The following FGF2 variants were observed in gnomAD, a reference collection of about 807,000 sequenced individuals.
The protein encoded by FGF2 is fibroblast growth factor 2, also known as basic fibroblast growth factor bFGF.
A neutral mutation model predicts 15.9 loss-of-function variants in FGF2; 13 were observed. The ratio of observed to expected loss-of-function variants is 0.82; its 90% CI spans 0.53 to 1.30. The LOEUF is 1.30. Among genes scored for constraint, FGF2 ranks in the 50% most tolerant of loss-of-function variants. FGF2 has a pLI of 0.00. For missense variants in FGF2, 163 were observed against 196.9 expected (o/e 0.83, Z 1.03); for synonymous variants, 90 against 78.4 (o/e 1.15, Z -0.78).
chr4:122,830,670 C>T (rs1015142130), intron 1 of FGF2, among the ~76,000 whole-genome samples: 22 of 152,012 alleles, frequency 1.4e-4, no homozygotes, highest in African/African-American at 5.1e-4. Context: ...AGTATGTACT[C>T]TAAAGTAGCA....
intron 1 of FGF2, among the ~76,000 whole-genome samples, chr4:122,837,826 T>C (rs1725897148): frequency 6.6e-6 from 1 of 152,202 alleles, no homozygotes; most frequent in Non-Finnish European, 1.5e-5. Context: ...TCTAAGCTTT[T>C]CTCCGAGTCA....
chr4:122,873,742 A>G (rs1303398942), intron 1 of FGF2, among the ~76,000 whole-genome samples: 2 of 152,190 alleles, frequency 1.3e-5, no homozygotes, highest in Admixed American at 6.5e-5. Flanking sequence ...GATAGTTTTT[A>G]TAGAAAATCT....
At chr4:122,868,348 C>T (rs1726649601) in intron 1 of FGF2, among the ~76,000 whole-genome samples, 1 of 152,124 alleles carries the variant, frequency 6.6e-6, no homozygotes, top group African/African-American at 2.4e-5. Flanking sequence ...TCAACTCCCA[C>T]TTACGAGAGA....
intron 1 of FGF2, among the ~76,000 whole-genome samples, chr4:122,854,824 AACTCTCTT>A (rs1726304748): frequency 1.3e-5 from 2 of 152,094 alleles, no homozygotes. Flanking sequence ...AGTCAAATAA[AACTCTCTT>A]GTCTTAAGCC....
In FGF2 at chr4:122,884,009, C is replaced by G. The variant is rs145464721; in HGVS notation, c.282+7585C>G. ...GTAGAGAAAATAGATATCTGAGAGC[C>G]CAATTATCCAGACTGACAATCTATA... On this transcript the variant is annotated intron_variant, in intron 2 of 2. Transcript: ENST00000644866. Among the ~76,000 whole-genome samples, 1,165 of 151,948 alleles carry G rather than the reference C, an allele frequency of 7.7e-3. 9 individuals carry two copies. The highest frequency in any genetic ancestry group is 0.012 in the Non-Finnish European group (788 of 67,958).
At chr4:122,837,611 T>C (rs1281450444) in intron 1 of FGF2, among the ~76,000 whole-genome samples, 2 of 152,152 alleles carry the variant, frequency 1.3e-5, no homozygotes, top group Admixed American at 6.5e-5. Context: ...TTTCGTCTTA[T>C]AGCTATTTCT....
intron 2 of FGF2, among the ~76,000 whole-genome samples, chr4:122,891,021 C>CTTTTTTTTTTTTTTTTTTTTTTTT (rs769084285): frequency 1.1e-5 from 1 of 94,740 alleles, no homozygotes; most frequent in Non-Finnish European, 2.5e-5. Context: ...AACAATTTAT[C>CTTTTTTTTTTTTTTTTTTTTTTTT]TTTTTTTTTT....
At position 122,892,773 on chromosome 4, in the gene FGF2, A is replaced by G. The variant is rs931552904; in HGVS notation, c.*377A>G. 17 of 1,425,814 alleles carry G rather than the reference A, an allele frequency of 1.2e-5. No homozygotes were observed. In the African/African-American group the frequency reaches 2.3e-4, roughly 19 times the overall value. 88.3% of individuals were successfully genotyped at this position (1,425,814 alleles called of 1,614,324 possible). On this transcript the variant is annotated 3_prime_UTR_variant, in exon 3 of 3. Coordinates refer to ENST00000644866, the MANE Select transcript of FGF2 (RefSeq NM_001361665.2). The stretch of plus-strand genomic sequence containing the variant: ...GATGTTTAATCAATCCAAAATGTCC[A>G]CTATTTCTTATGTCATTCGTTAGTC...
intron 1 of FGF2, among the ~76,000 whole-genome samples, chr4:122,864,763 G>A (rs1160974015): frequency 6.6e-6 from 1 of 152,074 alleles, no homozygotes; most frequent in East Asian, 1.9e-4. Flanking sequence ...ATGTAACAAA[G>A]TTAACTCCCT....
Position 122,879,706 on chromosome 4 carries a change from C to G in FGF2, c.282+3282C>G, listed in dbSNP as rs56267435. On this transcript the variant is annotated intron_variant, in intron 2 of 2. Coordinates refer to ENST00000644866, the MANE Select transcript of FGF2 (RefSeq NM_001361665.2). ...GGCTGGGGAAGCCTCACAATCATGG[C>G]GGAAGGCAAGGAAGAGCAAGTCACA... Among the ~76,000 whole-genome samples, 802 of 152,248 alleles carry G rather than the reference C, an allele frequency of 5.3e-3. 7 individuals are homozygous for G. Among genetic ancestry groups the G allele is most frequent in the African/African-American group, 0.018 (737 of 41,546 alleles).
Position 122,896,824 on chromosome 4 carries a change from T to C in FGF2, c.*4428T>C, listed in dbSNP as rs964442763. 1 of 152,192 alleles carries C rather than the reference T, an allele frequency of 6.6e-6. No homozygotes were observed. The highest frequency in any genetic ancestry group is 1.5e-5 in the Non-Finnish European group (1 of 68,020). 9.4% of individuals were successfully genotyped at this position (152,192 alleles called of 1,614,324 possible). A position where few individuals can be genotyped will look rare whatever the true frequency, so the allele number is the denominator to read the frequency against. On this transcript the variant is annotated 3_prime_UTR_variant, in exon 3 of 3. Transcript: ENST00000644866. The stretch of plus-strand genomic sequence containing the variant: ...TAGAAAATTGCCTTAATATCATTGT[T>C]GGCTAAATAGAATAGGGGACATGCA...
chr4:122,840,884 G>A (rs942868016), intron 1 of FGF2, among the ~76,000 whole-genome samples: 1 of 152,166 alleles, frequency 6.6e-6, no homozygotes, highest in African/African-American at 2.4e-5. Context: ...CAGCAGATGT[G>A]TGGTTGTCAT....
intron 1 of FGF2, among the ~76,000 whole-genome samples, chr4:122,861,542 C>A (rs756744541): frequency 6.6e-6 from 1 of 152,052 alleles, no homozygotes; most frequent in Non-Finnish European, 1.5e-5. Context: ...CTCCTCATAG[C>A]CCCTGTGAAT....
At chr4:122,831,565 G>A (rs567901370) in intron 1 of FGF2, among the ~76,000 whole-genome samples, 1 of 152,322 alleles carries the variant, frequency 6.6e-6, no homozygotes, top group South Asian at 2.1e-4. Context: ...AATATTGGGT[G>A]CAGTAAACAA....
chr4:122,841,476 T>G (rs1725982685), intron 1 of FGF2, among the ~76,000 whole-genome samples: 1 of 152,254 alleles, frequency 6.6e-6, no homozygotes, highest in Non-Finnish European at 1.5e-5. Context: ...TTTATGGATA[T>G]TCCTCCAACC....
At chr4:122,882,217 G>T (rs1366551691) in intron 2 of FGF2, 1 of 152,158 alleles carries the variant, frequency 6.6e-6, no homozygotes, top group Non-Finnish European at 1.5e-5. Flanking sequence ...ATAATTGCCG[G>T]TGGAATTTTT....
rs1727340725 is a variant in FGF2, at chr4:122,896,060, T to C, written c.*3664T>C. 6.5e-6 allele frequency: 1 copy of C among 152,672 alleles called. No individual in the cohort carries two copies. Among genetic ancestry groups the C allele is most frequent in the Non-Finnish European group, 1.5e-5 (1 of 68,036 alleles). The allele number at this position is 152,672 out of a possible 1,614,324, so 9.5% of individuals were successfully genotyped here. A position where few individuals can be genotyped will look rare whatever the true frequency, so the allele number is the denominator to read the frequency against. On this transcript the variant is annotated 3_prime_UTR_variant, in exon 3 of 3. Transcript: ENST00000644866. ...TTTTATGAATTTTCAGGCAAAGCTT[T>C]AATTTACACTAAGCTTAGGAAGTAT...
At chr4:122,881,578 TC>T (rs1011379471) in intron 2 of FGF2, among the ~76,000 whole-genome samples, 2 of 152,192 alleles carry the variant, frequency 1.3e-5, no homozygotes, top group African/African-American at 4.8e-5. Flanking sequence ...TTTGCTCAGT[TC>T]CCAACAAGTT....
At chr4:122,870,331 T>C (rs957481495) in intron 1 of FGF2, among the ~76,000 whole-genome samples, 1 of 152,242 alleles carries the variant, frequency 6.6e-6, no homozygotes, top group Non-Finnish European at 1.5e-5. Context: ...ATCAGGATGA[T>C]GCTGGCCTCA....
Sources: allele counts gnomAD v4.1 joint callset (sites outside exome capture counted in the v4.1 genomes callset), GRCh38; gene constraint gnomAD v4.1.1; transcripts MANE v1.5; gene names NCBI Gene and HGNC (gene_info 2026-07-23, HGNC 2026-07-21).